Variants in CNTNAP5 observed in about 807,000 individuals in gnomAD.
The protein encoded by CNTNAP5 is contactin associated protein family member 5.
CNTNAP5 carries 72 observed loss-of-function variants against 150.2 expected under a neutral mutation model. The ratio of observed to expected loss-of-function variants is 0.48; its 90% CI spans 0.40 to 0.58. CNTNAP5 has a LOEUF of 0.58. Ranked by LOEUF, CNTNAP5 falls within the 20% of genes least tolerant of loss-of-function variation. The pLI is 0.00. For synonymous variants in CNTNAP5, 672 were observed against 619.8 expected, an observed-to-expected ratio of 1.08 and a Z score of -1.25; for missense variants, 1,636 against 1,626.2, an observed-to-expected ratio of 1.01 and a Z score of -0.10.
At chr2:124,527,234 A>C in intron 9 of CNTNAP5, 51 bp from the exon 10 acceptor site, 1 of 1,552,594 alleles carries the variant, frequency 6.4e-7, no homozygotes, top group Non-Finnish European at 8.8e-7. Context: ...TCGCCAAAGC[A>C]ATGACGGATC....
At chr2:124,691,269 A>AAGGT (rs112768725) in intron 13 of CNTNAP5, among the ~76,000 whole-genome samples, 18 of 152,218 alleles carry the variant, frequency 1.2e-4, no homozygotes, top group African/African-American at 4.1e-4. Context: ...ATAATCATAC[A>AAGGT]AGGTAGGTCA....
At chr2:124,289,054 A>G (rs945902184) in intron 3 of CNTNAP5, among the ~76,000 whole-genome samples, 1 of 152,232 alleles carries the variant, frequency 6.6e-6, no homozygotes, top group Non-Finnish European at 1.5e-5. Flanking sequence ...CTACTTGAGC[A>G]GACCAATATA....
intron 10 of CNTNAP5, among the ~76,000 whole-genome samples, chr2:124,548,141 A>C (rs2104913670): frequency 6.6e-6 from 1 of 152,300 alleles, no homozygotes; most frequent in Non-Finnish European, 1.5e-5. Context: ...GGAAGGAAGG[A>C]TTTAGTGTTT....
intron 19 of CNTNAP5, among the ~76,000 whole-genome samples, chr2:124,814,922 C>A (rs1336632263): frequency 6.6e-6 from 1 of 152,136 alleles, no homozygotes; most frequent in Non-Finnish European, 1.5e-5. Context: ...GTGATCAAGT[C>A]ATCAGCTCCG....
intron 10 of CNTNAP5, among the ~76,000 whole-genome samples, chr2:124,553,140 T>C (rs1010028924): frequency 6.6e-6 from 1 of 152,204 alleles, no homozygotes; most frequent in Non-Finnish European, 1.5e-5. Flanking sequence ...GTTCTTCATA[T>C]GCTGCATGAG....
chr2:124,083,325 C>G (rs1010635487), intron 1 of CNTNAP5, among the ~76,000 whole-genome samples: 10 of 151,722 alleles, frequency 6.6e-5, no homozygotes. Flanking sequence ...GCACTCCAGC[C>G]CTGGGCAACA....
intron 19 of CNTNAP5, among the ~76,000 whole-genome samples, chr2:124,803,660 T>C (rs1682019580): frequency 6.6e-6 from 1 of 152,220 alleles, no homozygotes; most frequent in South Asian, 2.1e-4. Flanking sequence ...ATTCAAAAGA[T>C]GCACTGTCTG....
intron 3 of CNTNAP5, among the ~76,000 whole-genome samples, chr2:124,348,134 T>C (rs1456283098): frequency 6.6e-6 from 1 of 152,166 alleles, no homozygotes; most frequent in East Asian, 1.9e-4. Context: ...CTCCACAATT[T>C]TTCAGTGTAC....
chr2:124,911,001 G>C (rs549779508), intron 22 of CNTNAP5, among the ~76,000 whole-genome samples: 1 of 151,980 alleles, frequency 6.6e-6, no homozygotes, highest in African/African-American at 2.4e-5. Context: ...TGTACACACA[G>C]TACAATTTCT....
intron 1 of CNTNAP5, among the ~76,000 whole-genome samples, chr2:124,129,057 T>C (rs943772638): frequency 6.7e-6 from 1 of 148,518 alleles, no homozygotes; most frequent in Non-Finnish European, 1.5e-5. Flanking sequence ...ACTTAAAGTA[T>C]AATAAAAATA....
chr2:124,491,088 T>C (rs1231577313), intron 7 of CNTNAP5, among the ~76,000 whole-genome samples: 2 of 152,178 alleles, frequency 1.3e-5, no homozygotes, highest in Non-Finnish European at 2.9e-5. Context: ...ATGTATACAT[T>C]GTGTAATAAT....
At chr2:124,370,214 G>A (rs753939912) in intron 3 of CNTNAP5, among the ~76,000 whole-genome samples, 2 of 152,132 alleles carry the variant, frequency 1.3e-5, no homozygotes, top group East Asian at 1.9e-4. Context: ...AGCTACGTAC[G>A]TGAACACTGT....
chr2:124,518,942 T>G (rs1694792329), intron 8 of CNTNAP5, among the ~76,000 whole-genome samples: 2 of 134,116 alleles, frequency 1.5e-5, no homozygotes, highest in African/African-American at 5.8e-5. Flanking sequence ...TGAGCCAAGA[T>G]CATGCCACTG....
chr2:124,306,479 A>ATATGACC (rs1476661946), intron 3 of CNTNAP5, among the ~76,000 whole-genome samples: 1 of 152,192 alleles, frequency 6.6e-6, no homozygotes, highest in Non-Finnish European at 1.5e-5. Flanking sequence ...CTGGCCAGGA[A>ATATGACC]TATGACCTAT....
intron 13 of CNTNAP5, among the ~76,000 whole-genome samples, chr2:124,667,637 T>C (rs1678728288): frequency 6.6e-6 from 1 of 152,204 alleles, no homozygotes; most frequent in South Asian, 2.1e-4. Context: ...TTGAGTCCAA[T>C]TAAGAGGATG....
intron 1 of CNTNAP5, among the ~76,000 whole-genome samples, chr2:124,027,893 C>T (rs1368007653): frequency 6.6e-6 from 1 of 152,144 alleles, no homozygotes; most frequent in Admixed American, 6.5e-5. Flanking sequence ...ATTTTGGTGT[C>T]TTCATAACCT....
At chr2:124,701,275 T>C (rs1231282409) in intron 13 of CNTNAP5, among the ~76,000 whole-genome samples, 1 of 152,150 alleles carries the variant, frequency 6.6e-6, no homozygotes, top group East Asian at 1.9e-4. Flanking sequence ...GATCATGCAA[T>C]AGTTTCTTTT....
At position 124,820,403 on chromosome 2, in the gene CNTNAP5, AAGGG is replaced by A. The variant is rs1348161805; in HGVS notation, c.3217+22085_3217+22088del. The stretch of plus-strand genomic sequence containing the variant: ...CACAATTTGATCTGTGACCCAGAAG[AAGGG>A]ACCTGCTCTCCCTCACCAGTTGCTT... On this transcript the variant is annotated intron_variant, in intron 19 of 23. Transcript: ENST00000682447. Among the ~76,000 whole-genome samples the A allele has an allele frequency of 2.5e-3, 378 of 152,044 alleles. 1 individual carries two copies. Among genetic ancestry groups the A allele is most frequent in the African/African-American group, 8.6e-3 (356 of 41,402 alleles).
chr2:124,626,341 C>T (rs1257669352), intron 12 of CNTNAP5, among the ~76,000 whole-genome samples: 2 of 152,042 alleles, frequency 1.3e-5, no homozygotes, highest in Admixed American at 6.6e-5. Context: ...GAATGCAGAA[C>T]GTGGGTGATT....
Sources: gnomAD v4.1 joint callset for allele counts (sites outside exome capture counted in the v4.1 genomes callset) on GRCh38, gnomAD v4.1.1 for gene constraint, MANE v1.5 for transcripts, NCBI Gene and HGNC (gene_info 2026-07-23, HGNC 2026-07-21) for gene names.